KLF8: variants seen among roughly 807,000 people sequenced by gnomAD.
The protein encoded by KLF8 is KLF transcription factor 8.
In KLF8, 10 loss-of-function variants were observed where a neutral mutation model predicts 18.2. The observed-to-expected ratio is 0.55, with a 90% CI of 0.34 to 0.93. The LOEUF (loss-of-function observed/expected upper bound fraction) is 0.93. Among genes scored for constraint, KLF8 ranks in the 40% least tolerant of loss-of-function variants. The pLI is 0.02. For synonymous variants in KLF8, 109 were observed against 97.3 expected, an observed-to-expected ratio of 1.12 and a Z score of -0.71; for missense variants, 264 against 277.9, an observed-to-expected ratio of 0.95 and a Z score of 0.36.
the KLF8 span, among the ~76,000 whole-genome samples, chrX:56,058,943 G>T: frequency 5.4e-5 from 6 of 111,863 alleles, no homozygotes; most frequent in Non-Finnish European, 1.1e-4. Context: ...TTCCACAATG[G>T]TTGAACTAAT....
the KLF8 span, among the ~76,000 whole-genome samples, chrX:56,044,558 T>C: frequency 8.9e-6 from 1 of 112,604 alleles, no homozygotes; most frequent in African/African-American, 3.2e-5. Flanking sequence ...TGGATTGTGC[T>C]CTCACTTAAA....
At chrX:56,031,331 A>AAACCAT in the KLF8 span, among the ~76,000 whole-genome samples, 1 of 111,960 alleles carries the variant, frequency 8.9e-6, no homozygotes, top group African/African-American at 3.3e-5. Context: ...ACCAAAACCA[A>AAACCAT]AGTATCAAGC....
At chrX:55,925,219 T>C in the KLF8 span, among the ~76,000 whole-genome samples, 1 of 101,314 alleles carries the variant, frequency 9.9e-6, no homozygotes, top group African/African-American at 3.6e-5. Flanking sequence ...CCAAGTGTTC[T>C]ACCGTAAATA....
At chrX:56,225,695 A>G in the KLF8 span, among the ~76,000 whole-genome samples, 1 of 112,364 alleles carries the variant, frequency 8.9e-6, no homozygotes, top group Non-Finnish European at 1.9e-5. Flanking sequence ...AATTCTCTCA[A>G]TATCCTGTGT....
chrX:56,140,906 CT>C, the KLF8 span, among the ~76,000 whole-genome samples: 1 of 109,472 alleles, frequency 9.1e-6, no homozygotes, highest in South Asian at 4.0e-4. Flanking sequence ...GTATTATCAA[CT>C]TTTTTAAAAA....
chrX:56,005,443 AAC>A, the KLF8 span, among the ~76,000 whole-genome samples: 1 of 111,906 alleles, frequency 8.9e-6, no homozygotes, highest in South Asian at 3.7e-4. Flanking sequence ...TGCTGTAGCC[AAC>A]AGTGTTGGTG....
chrX:56,214,068 C>A, the KLF8 span, among the ~76,000 whole-genome samples: 1 of 111,154 alleles, frequency 9.0e-6, no homozygotes, highest in African/African-American at 3.3e-5. Flanking sequence ...ATAAAGCCGT[C>A]CCTCTGAAGT....
At chrX:55,989,939 T>C in the KLF8 span, among the ~76,000 whole-genome samples, 1 of 111,877 alleles carries the variant, frequency 8.9e-6, no homozygotes, top group Admixed American at 9.5e-5. Flanking sequence ...TGGGGGGGTG[T>C]ATGTGTCAAG....
At chrX:56,019,180 A>G in the KLF8 span, among the ~76,000 whole-genome samples, 2 of 112,383 alleles carry the variant, frequency 1.8e-5, no homozygotes, top group African/African-American at 6.5e-5. Context: ...CCAGTTGTAT[A>G]TGATAGTCTC....
At chrX:55,913,201 C>G in the KLF8 span, among the ~76,000 whole-genome samples, 1 of 111,606 alleles carries the variant, frequency 9.0e-6, no homozygotes, top group Non-Finnish European at 1.9e-5. Flanking sequence ...CTTCTTGCCT[C>G]TCTACTACAT....
At chrX:55,994,760 TA>T in the KLF8 span, among the ~76,000 whole-genome samples, 3 of 112,118 alleles carry the variant, frequency 2.7e-5, no homozygotes, top group Admixed American at 2.8e-4. Flanking sequence ...TTTCTATGTT[TA>T]ATATGCTGTG....
intron 5 of KLF8, among the ~76,000 whole-genome samples, chrX:56,280,886 T>A: frequency 8.9e-6 from 1 of 112,335 alleles, no homozygotes; most frequent in East Asian, 2.8e-4. Context: ...AAAATTAATT[T>A]GAGCTTTATA....
chrX:56,045,414 AT>A, the KLF8 span, among the ~76,000 whole-genome samples: 1 of 110,267 alleles, frequency 9.1e-6, no homozygotes, highest in Admixed American at 9.7e-5. Flanking sequence ...TTATGGAATT[AT>A]TTTTTCTAGT....
the KLF8 span, among the ~76,000 whole-genome samples, chrX:55,969,018 C>T: frequency 9.0e-6 from 1 of 111,730 alleles, no homozygotes; most frequent in Admixed American, 9.5e-5. Context: ...GAGACACCAA[C>T]ATCTCACTTT....
At chrX:56,122,982 A>C in the KLF8 span, among the ~76,000 whole-genome samples, 1 of 109,787 alleles carries the variant, frequency 9.1e-6, no homozygotes, top group Admixed American at 9.9e-5. Flanking sequence ...TGTTCTCCTA[A>C]TTCTCCCCCT....
chrX:56,085,580 T>A, the KLF8 span, among the ~76,000 whole-genome samples: 1 of 112,305 alleles, frequency 8.9e-6, no homozygotes, highest in African/African-American at 3.2e-5. Context: ...TAGTCTATCA[T>A]TTCATATGCT....
the KLF8 span, among the ~76,000 whole-genome samples, chrX:56,131,661 C>T: frequency 5.0e-4 from 56 of 111,311 alleles, no homozygotes; most frequent in African/African-American, 1.8e-3. Flanking sequence ...ATGTAAATGG[C>T]CTAAATGCTC....
At chrX:56,231,184 G>A (rs1268853196), upstream of KLF8, among the ~76,000 whole-genome samples, 1 of 111,548 alleles carries the variant, frequency 9.0e-6, no homozygotes, top group Non-Finnish European at 1.9e-5. Context: ...GAGTTCCAGG[G>A]TGCTGCCTTG....
chrX:56,127,630 C>A, the KLF8 span, among the ~76,000 whole-genome samples: 3 of 111,662 alleles, frequency 2.7e-5, no homozygotes, highest in African/African-American at 9.8e-5. Flanking sequence ...CAGGCCCTTA[C>A]CTTCCAGCCT....
Sources: allele counts gnomAD v4.1 joint callset (sites outside exome capture counted in the v4.1 genomes callset), GRCh38; gene constraint gnomAD v4.1.1; transcripts MANE v1.5; gene names NCBI Gene and HGNC (gene_info 2026-07-23, HGNC 2026-07-21).